Variants in MAP4K3 observed in about 807,000 individuals in gnomAD.
MAP4K3 encodes the protein MAPK/ERK kinase kinase kinase 3.
In MAP4K3, 94 loss-of-function variants were observed where a neutral mutation model predicts 143.5. The ratio of observed to expected loss-of-function variants is 0.65; its 90% CI spans 0.55 to 0.78. The LOEUF (loss-of-function observed/expected upper bound fraction) is 0.78. Among genes scored for constraint, MAP4K3 ranks in the 30% least tolerant of loss-of-function variants. The probability of loss-of-function intolerance (pLI) is 0.00; values close to 1 mark genes in which losing one functional copy is unlikely to be tolerated. For missense variants in MAP4K3, 1,077 were observed against 1,068.1 expected (o/e 1.01, Z -0.12); for synonymous variants, 416 against 347.2 (o/e 1.20, Z -2.20).
At chr2:39,312,986 G>C (rs770914328) in intron 13 of MAP4K3, among the ~76,000 whole-genome samples, 1 of 152,136 alleles carries the variant, frequency 6.6e-6, no homozygotes, top group Non-Finnish European at 1.5e-5. Flanking sequence ...GACTATAGCA[G>C]GTATTCAGTA....
intron 27 of MAP4K3, 44 bp downstream of exon 27, chr2:39,267,145 G>A (rs568305671): frequency 1.9e-6 from 3 of 1,574,438 alleles, no homozygotes; most frequent in South Asian, 2.2e-5. Flanking sequence ...CCAGATTTTA[G>A]GAGGAGTCTC....
Position 39,381,592 on chromosome 2 carries a change from T to TC in MAP4K3, c.97-3470dup, listed in dbSNP as rs201499889. 2.8e-4 allele frequency among the ~76,000 whole-genome samples: 43 copies of TC among 152,098 alleles called. No individual in the cohort carries two copies. The East Asian group carries it at 6.8e-3, about 24-fold the overall frequency. The stretch of plus-strand genomic sequence containing the variant: ...ATACTTTTTTCCTATGATTTTTTTT[T>TC]CTAAGATTTCTAAGTTTTATAGTTT... On this transcript the variant is annotated intron_variant, in intron 1 of 33. Coordinates refer to ENST00000263881, the MANE Select transcript of MAP4K3 (RefSeq NM_003618.4).
intron 28 of MAP4K3, 38 bp downstream of exon 28, chr2:39,265,165 T>C: frequency 7.6e-7 from 1 of 1,308,822 alleles, no homozygotes; most frequent in South Asian, 1.2e-5. Context: ...TGACAAGCTT[T>C]TATAGTAAGA....
chr2:39,353,755 AGCAGCAGCAGCAATAG>A (rs1665525860), intron 3 of MAP4K3, among the ~76,000 whole-genome samples: 1 of 151,828 alleles, frequency 6.6e-6, no homozygotes, highest in African/African-American at 2.4e-5. Flanking sequence ...CAGCAGCAGC[AGCAGCAGCAGCAATAG>A]TAGTAGTAGC....
chr2:39,403,105 A>T (rs1280465599), intron 1 of MAP4K3, among the ~76,000 whole-genome samples: 3 of 152,172 alleles, frequency 2.0e-5, no homozygotes, highest in Non-Finnish European at 4.4e-5. Context: ...GATAAATTCC[A>T]CCAAACACAG....
intron 1 of MAP4K3, among the ~76,000 whole-genome samples, chr2:39,385,762 T>A (rs1666488683): frequency 6.6e-6 from 1 of 151,384 alleles, no homozygotes; most frequent in South Asian, 2.1e-4. Flanking sequence ...CCCAAGTAGC[T>A]AAGATTACAA....
In MAP4K3 at chr2:39,343,399, T is replaced by A. The variant is rs761264445; in HGVS notation, c.299A>T (p.Asp100Val). ...AACTTTGGTCTTACCGTGATAAATA[T>A]CCTGTAAAGAACCACCTCCACAAAA... ...MEFCGGGSLQ[D>V]IYHVTGPLSE... The change falls in exon 4 of 34, where the codon GAT becomes GTT. Residue 100 changes from aspartate to valine, a missense_variant. By Grantham distance (152) the Asp-to-Val change is radical. Coordinates refer to ENST00000263881, the MANE Select transcript of MAP4K3 (RefSeq NM_003618.4). The A allele has an allele frequency of 1.2e-6, 2 of 1,612,762 alleles. No homozygotes were observed. The highest frequency in any genetic ancestry group is 3.3e-5 in the Admixed American group (2 of 59,958).
intron 1 of MAP4K3, among the ~76,000 whole-genome samples, chr2:39,430,513 G>A (rs1424301872): frequency 6.6e-6 from 1 of 151,852 alleles, no homozygotes; most frequent in African/African-American, 2.4e-5. Context: ...TATAAAGGTG[G>A]TATGAAAAAA....
At chr2:39,252,583 G>T (rs1018043526) in intron 32 of MAP4K3, among the ~76,000 whole-genome samples, 1 of 152,158 alleles carries the variant, frequency 6.6e-6, no homozygotes, top group African/African-American at 2.4e-5. Context: ...ACCAGTTGGG[G>T]AATTAAGAAT....
At chr2:39,294,236 A>C (rs1224476034) in intron 16 of MAP4K3, 1 of 152,214 alleles carries the variant, frequency 6.6e-6, no homozygotes, top group African/African-American at 2.4e-5. Flanking sequence ...TAAAATTACA[A>C]AACATAAAAC....
intron 12 of MAP4K3, among the ~76,000 whole-genome samples, chr2:39,317,324 G>C (rs1683145845): frequency 6.6e-6 from 1 of 152,008 alleles, no homozygotes; most frequent in Admixed American, 6.6e-5. Flanking sequence ...AGAAAACCTA[G>C]GAAATACCAT....
chr2:39,289,146 A>G (rs1681922969), intron 19 of MAP4K3, among the ~76,000 whole-genome samples: 1 of 152,212 alleles, frequency 6.6e-6, no homozygotes, highest in African/African-American at 2.4e-5. Context: ...TGTACAAACA[A>G]TGGAAAAATC....
chr2:39,347,648 A>G (rs1665333469), intron 3 of MAP4K3, among the ~76,000 whole-genome samples: 1 of 152,092 alleles, frequency 6.6e-6, no homozygotes. Flanking sequence ...AGTGTAGTAT[A>G]ACTTAAATTA....
chr2:39,326,864 G>A (rs989056596), intron 8 of MAP4K3, among the ~76,000 whole-genome samples: 5 of 152,156 alleles, frequency 3.3e-5, no homozygotes, highest in African/African-American at 4.8e-5. Context: ...ACCTTGTGAA[G>A]AAGGTGCCCG....
chr2:39,313,688 T>C (rs896396821), intron 13 of MAP4K3, among the ~76,000 whole-genome samples: 1 of 152,090 alleles, frequency 6.6e-6, no homozygotes. Context: ...AATTTTTGTA[T>C]TTTTAGCAGA....
At chr2:39,364,610 G>A (rs1337461109) in intron 2 of MAP4K3, among the ~76,000 whole-genome samples, 1 of 152,240 alleles carries the variant, frequency 6.6e-6, no homozygotes, top group Non-Finnish European at 1.5e-5. Context: ...GCTTACGCCT[G>A]TAATGCCAGC....
intron 1 of MAP4K3, among the ~76,000 whole-genome samples, chr2:39,380,104 GT>G (rs1216960066): frequency 2.0e-5 from 3 of 151,830 alleles, no homozygotes; most frequent in African/African-American, 7.3e-5. Context: ...TTAAATTACA[GT>G]TTTTTAGGGT....
At chr2:39,265,338 T>C (rs1418089637) in intron 27 of MAP4K3, 32 bp from the exon 28 acceptor site, 1 of 1,285,018 alleles carries the variant, frequency 7.8e-7, no homozygotes, top group East Asian at 2.3e-5. Context: ...TGAGTTCTCT[T>C]ATAAAACAAA....
chr2:39,305,628 C>A (rs79790082), intron 15 of MAP4K3, among the ~76,000 whole-genome samples: 2 of 152,058 alleles, frequency 1.3e-5, no homozygotes, highest in African/African-American at 4.8e-5. Flanking sequence ...CTCTTCTGCC[C>A]GAACTAACCT....
Sources: allele counts gnomAD v4.1 joint callset (sites outside exome capture counted in the v4.1 genomes callset), GRCh38; gene constraint gnomAD v4.1.1; transcripts MANE v1.5; gene names NCBI Gene and HGNC (gene_info 2026-07-23, HGNC 2026-07-21).